ABHD12: variants seen among roughly 807,000 people sequenced by gnomAD.
ABHD12 encodes the protein lysophosphatidylserine lipase ABHD12.
Under a neutral mutation model 58.3 loss-of-function variants are expected in ABHD12, and 43 were observed. The ratio of observed to expected loss-of-function variants is 0.74; its 90% confidence interval spans 0.58 to 0.95. ABHD12 has a LOEUF of 0.95. Ranked by LOEUF, ABHD12 falls within the 40% of genes least tolerant of loss-of-function variation. The pLI, the probability that ABHD12 is intolerant of heterozygous loss-of-function variation, is 0.00. For missense variants in ABHD12, 539 were observed against 537.2 expected (o/e 1.00, Z -0.03); for synonymous variants, 219 against 211.2 (o/e 1.04, Z -0.32).
rs1348361183 is a variant in ABHD12, at chr20:25,303,201, C to T, written c.1029+349G>A. ...GCCTTCAGCCCATAACTGATGAGCCCTTCCAGCTGAGTTCCCAGGTTGGCC... is the reference window on the plus strand; with the variant it reads ...GCCTTCAGCCCATAACTGATGAGCCTTTCCAGCTGAGTTCCCAGGTTGGCC... On this transcript the variant is annotated intron_variant, in intron 11 of 12. Transcript: ENST00000339157. 3 of 1,198,232 alleles carry T rather than the reference C, an allele frequency of 2.5e-6. No individual in the cohort carries two copies. In the South Asian group the frequency reaches 4.8e-5, roughly 19 times the overall value. The allele number at this position is 1,198,232 out of a possible 1,614,324, so 74.2% of individuals were successfully genotyped here.
chr20:25,368,676 C>G (rs1227900672), intron 1 of ABHD12: 1 of 1,366,662 alleles, frequency 7.3e-7, no homozygotes, highest in Non-Finnish European at 1.0e-6. Context: ...TTTCTGCTGT[C>G]TTTGGAATCT....
At chr20:25,332,094 T>C (rs2089286719) in intron 2 of ABHD12, among the ~76,000 whole-genome samples, 1 of 151,564 alleles carries the variant, frequency 6.6e-6, no homozygotes, top group Non-Finnish European at 1.5e-5. Context: ...AGGTTCAAAA[T>C]AAAAGGATGG....
At chr20:25,376,540 AC>A (rs1159436721) in intron 1 of ABHD12, among the ~76,000 whole-genome samples, 3 of 152,240 alleles carry the variant, frequency 2.0e-5, no homozygotes, top group African/African-American at 7.2e-5. Flanking sequence ...CCTGGCAGAA[AC>A]AAAAATATTT....
chr20:25,371,719 C>T (rs961179910), intron 1 of ABHD12, among the ~76,000 whole-genome samples: 12 of 152,136 alleles, frequency 7.9e-5, no homozygotes, highest in African/African-American at 2.9e-4. Context: ...CATTTCCCTT[C>T]CTCACAGTAA....
chr20:25,296,328 GC>G (rs773093845), downstream of ABHD12: 35 of 1,610,656 alleles, frequency 2.2e-5, no homozygotes, highest in Middle Eastern at 6.6e-4. Flanking sequence ...GCAGCCCCAA[GC>G]CCTGTGACGC....
chr20:25,369,270 A>C (rs967689378), intron 1 of ABHD12, among the ~76,000 whole-genome samples: 3 of 152,156 alleles, frequency 2.0e-5, no homozygotes, highest in Non-Finnish European at 4.4e-5. Flanking sequence ...TGTCTCTTCG[A>C]GTTCTAGGCC....
chr20:25,332,242 A>G (rs1196882549), intron 2 of ABHD12, among the ~76,000 whole-genome samples: 1 of 151,660 alleles, frequency 6.6e-6, no homozygotes, highest in Non-Finnish European at 1.5e-5. Context: ...GATCAATTCA[A>G]CAAGAAGAGC....
intron 2 of ABHD12, among the ~76,000 whole-genome samples, chr20:25,325,990 G>A (rs1379149881): frequency 2.0e-5 from 3 of 151,146 alleles, no homozygotes; most frequent in Non-Finnish European, 2.9e-5. Flanking sequence ...AGAATGGCTT[G>A]AACCCGGGAA....
Position 25,390,477 on chromosome 20 carries a change from G to GGGCCCCC in ABHD12, c.191+35_191+36insGGGGGCC. On this transcript the variant is annotated intron_variant, in intron 1 of 12. Coordinates refer to ENST00000339157, the MANE Select transcript of ABHD12 (RefSeq NM_001042472.3). ...CGCACCTGCGCAAAGTGAGGGACCG[G>GGGCCCCC]CCCCCCCCCCCCCCCCGCTCCGCGC... The GGGCCCCC allele has an allele frequency of 4.2e-4, 43 of 102,746 alleles. No homozygotes were observed. In the East Asian group the frequency reaches 5.6e-3, roughly 13 times the overall value. The allele number at this position is 102,746 out of a possible 1,614,324, so 6.4% of individuals were successfully genotyped here.
chr20:25,347,226 ATAAT>A (rs1309125857), intron 1 of ABHD12, among the ~76,000 whole-genome samples: 1 of 152,224 alleles, frequency 6.6e-6, no homozygotes, highest in Non-Finnish European at 1.5e-5. Flanking sequence ...ATTCCTGTAA[ATAAT>A]TAAGTTTTGC....
At chr20:25,295,563 C>G (rs1210312719), downstream of ABHD12, 2 of 1,581,080 alleles carry the variant, frequency 1.3e-6, no homozygotes, top group Non-Finnish European at 1.7e-6. Context: ...GTGGGCAGGG[C>G]TCCCTGCTGC....
intron 3 of ABHD12, among the ~76,000 whole-genome samples, chr20:25,322,161 C>T (rs900439622): frequency 1.3e-4 from 20 of 151,780 alleles, no homozygotes; most frequent in Non-Finnish European, 8.8e-5. Flanking sequence ...TCAGAAGCAC[C>T]ACTTGTGTAC....
At chr20:25,295,624 A>G (rs199953270), downstream of ABHD12, 3 of 1,614,048 alleles carry the variant, frequency 1.9e-6, no homozygotes, top group Non-Finnish European at 2.5e-6. Context: ...TTTGCAGACT[A>G]TGAAGCCTAC....
At chr20:25,351,778 G>A (rs1166859320) in intron 1 of ABHD12, among the ~76,000 whole-genome samples, 1 of 152,046 alleles carries the variant, frequency 6.6e-6, no homozygotes, top group Non-Finnish European at 1.5e-5. Flanking sequence ...GCACATGCCT[G>A]TAATCCCACC....
intron 1 of ABHD12, among the ~76,000 whole-genome samples, chr20:25,382,193 C>G (rs912406008): frequency 6.6e-6 from 1 of 152,204 alleles, no homozygotes; most frequent in African/African-American, 2.4e-5. Context: ...TCTATGAAGG[C>G]TATCCTCTGA....
rs963250884 is a variant in ABHD12 at position 25,300,454 on chromosome 20, G to A, written c.*391C>T. 5.2e-5 allele frequency: 63 copies of A among 1,201,104 alleles called. 1 individual carries two copies. In the African/African-American group the frequency reaches 6.1e-4, roughly 12 times the overall value. The allele number at this position is 1,201,104 out of a possible 1,614,324, so 74.4% of individuals were successfully genotyped here. A position where few individuals can be genotyped will look rare whatever the true frequency, so the allele number is the denominator to read the frequency against. On this transcript the variant is annotated 3_prime_UTR_variant, in exon 13 of 13. Transcript: ENST00000339157. Reference sequence around the variant, plus strand: ...GGTGCAGAAAGAACCTGGACCCCACGTTCTCTGTGGGTGGTGCCAAAAAGC... The same window carrying A: ...GGTGCAGAAAGAACCTGGACCCCACATTCTCTGTGGGTGGTGCCAAAAAGC...
intron 1 of ABHD12, among the ~76,000 whole-genome samples, chr20:25,364,493 CAG>C (rs1160602867): frequency 6.6e-6 from 1 of 152,122 alleles, no homozygotes; most frequent in Non-Finnish European, 1.5e-5. Flanking sequence ...TACAGGAACT[CAG>C]AGTCAGAACT....
At chr20:25,342,079 G>A (rs1194839223) in intron 1 of ABHD12, among the ~76,000 whole-genome samples, 1 of 146,010 alleles carries the variant, frequency 6.8e-6, no homozygotes, top group African/African-American at 2.6e-5. Flanking sequence ...CTTCAGCCTG[G>A]GCAACAACAG....
chr20:25,339,749 C>G, intron 1 of ABHD12: 7 of 1,321,170 alleles, frequency 5.3e-6, no homozygotes, highest in Non-Finnish European at 7.0e-6. Flanking sequence ...TTCTGTGAGA[C>G]AACTGCAGGC....
Sources: gnomAD v4.1 joint callset for allele counts (sites outside exome capture counted in the v4.1 genomes callset) on GRCh38, gnomAD v4.1.1 for gene constraint, MANE v1.5 for transcripts, NCBI Gene and HGNC (gene_info 2026-07-23, HGNC 2026-07-21) for gene names.